JAG2: variants seen among roughly 807,000 people sequenced by gnomAD.
The protein encoded by JAG2 is jagged canonical Notch ligand 2, also known as protein jagged-2.
JAG2 carries 46 observed loss-of-function variants against 141.7 expected under a neutral mutation model. The ratio of observed to expected loss-of-function variants is 0.32; its 90% confidence interval spans 0.26 to 0.42. The LOEUF (loss-of-function observed/expected upper bound fraction) is 0.42, where lower values mean the gene tolerates loss of function less well. JAG2 is among the 10% of genes least tolerant of loss of function. The pLI is 1.00. For synonymous variants in JAG2, 862 were observed against 763.5 expected (o/e 1.13, Z -2.13); for missense variants, 1,500 against 1,817.5 (o/e 0.83, Z 3.18).
rs754749346 is a variant in JAG2, at chr14:105,142,896, C to T, written c.3516G>A (p.Ala1172=). ...DEALPGPAGH[A]AVREDEEDED... The stretch of plus-strand genomic sequence containing the variant: ...CGTCCTCCTCATCCTCCCTGACGGC[C>T]GCGTGGCCGGCCGGCCCGGGCAGCG... The change falls in exon 26 of 26, where the codon GCG becomes GCA. Residue 1172 remains alanine (A), a synonymous_variant. Transcript: ENST00000331782. The T allele has an allele frequency of 9.4e-6, 15 of 1,600,018 alleles. No homozygotes were observed. The highest frequency in any genetic ancestry group is 8.0e-5 in the African/African-American group (6 of 74,656).
chr14:105,161,313 T>A (rs906660439), intron 2 of JAG2, among the ~76,000 whole-genome samples: 1 of 151,760 alleles, frequency 6.6e-6, no homozygotes, highest in East Asian at 1.9e-4. Flanking sequence ...GAAGCAGCAA[T>A]AGTGAGGTCA....
chr14:105,152,297 GGAA>G lies in JAG2; in HGVS notation c.789-9_789-7del, dbSNP rs1340445420. ...CTTGCCAGCCGTAGCTGCACCTGGGGGAAGGAGGAGGGGCGCAAGACCCAGTGA... is the reference window on the plus strand; with the variant it reads ...CTTGCCAGCCGTAGCTGCACCTGGGGGGAGGAGGGGCGCAAGACCCAGTGA... On this transcript the variant is annotated splice_region_variant and splice_polypyrimidine_tract_variant and intron_variant, in intron 5 of 25. Transcript: ENST00000331782. 2 of 1,612,586 alleles carry G rather than the reference GGAA, an allele frequency of 1.2e-6. No homozygotes were observed. Among genetic ancestry groups the G allele is most frequent in the African/African-American group, 2.7e-5 (2 of 74,926 alleles).
chr14:105,143,748 G>A, intron 24 of JAG2, 110 bp from the exon 25 acceptor site: 1 of 1,349,496 alleles, frequency 7.4e-7, no homozygotes, highest in South Asian at 1.3e-5. Flanking sequence ...GCGCACGGGA[G>A]ACGAGAGCCC....
intron 2 of JAG2, among the ~76,000 whole-genome samples, chr14:105,165,789 G>A (rs1888890734): frequency 6.6e-6 from 1 of 152,206 alleles, no homozygotes; most frequent in Non-Finnish European, 1.5e-5. Context: ...CACGGGCCTG[G>A]GCAGGATGCC....
intron 2 of JAG2, among the ~76,000 whole-genome samples, chr14:105,161,557 CGA>C (rs1010622676): frequency 9.9e-5 from 15 of 152,136 alleles, no homozygotes; most frequent in African/African-American, 3.6e-4. Context: ...GCCCGCCCGC[CGA>C]GAGGGCCTCA....
In JAG2 at chr14:105,148,420, G is replaced by A. The variant is rs750188046; in HGVS notation, c.2040C>T (p.Pro680=). The stretch of plus-strand genomic sequence containing the variant: ...AGCGGCCGCGGCTGTGGCAGGGATC[G>A]GGAAGGCAGTCGTTGGGATCTGGGG... The part of the protein sequence containing the change: ...LCDTNPNDCL[P]DPCHSRGRCY... Residue 680 remains proline, a synonymous_variant, in exon 16 of 26, where the codon CCC becomes CCT. Transcript: ENST00000331782. The A allele has an allele frequency of 1.5e-5, 24 of 1,611,654 alleles. No homozygotes were observed. In the East Asian group the frequency reaches 2.0e-4, roughly 13 times the overall value.
chr14:105,146,276 GC>G, intron 22 of JAG2, 108 bp downstream of exon 22: 4 of 1,002,400 alleles, frequency 4.0e-6, no homozygotes, highest in Non-Finnish European at 6.2e-6. Flanking sequence ...AGGGCAGACG[GC>G]TCTCAGTCCA....
chr14:105,150,957 G>GGCCCACCCGCCGGC, intron 10 of JAG2, 34 bp downstream of exon 10: 2 of 1,597,488 alleles, frequency 1.3e-6, no homozygotes, highest in Non-Finnish European at 1.7e-6. Context: ...CATGTGCCTC[G>GGCCCACCCGCCGGC]GCCCACCCGC....
rs773019227 is a variant in JAG2, at chr14:105,142,947, C to T, written c.3465G>A (p.Thr1155=). The T allele has an allele frequency of 5.0e-6, 8 of 1,609,162 alleles. No homozygotes were observed. The highest frequency in any genetic ancestry group is 1.1e-5 in the South Asian group (1 of 90,940). The part of the protein sequence containing the change: ...KDVLYQCKNF[T]PPPRRADEAL... ...CCTCGTCCGCCCTGCGCGGCGGCGG[C>T]GTGAAGTTCTTGCACTGGTAGAGCA... The change falls in exon 26 of 26, where the codon ACG becomes ACA. Residue 1155 remains threonine (T), a synonymous_variant. Coordinates refer to ENST00000331782, the MANE Select transcript of JAG2 (RefSeq NM_002226.5).
At chr14:105,152,331 G>A in intron 5 of JAG2, 40 bp from the exon 6 acceptor site, 1 of 1,604,790 alleles carries the variant, frequency 6.2e-7, no homozygotes, top group Non-Finnish European at 8.5e-7. Flanking sequence ...AGTGAGCTGT[G>A]GTGCCTGAAA....
At chr14:105,143,252 GC>G in intron 25 of JAG2, 82 bp from the exon 26 acceptor site, 1 of 1,477,860 alleles carries the variant, frequency 6.8e-7, no homozygotes, top group Non-Finnish European at 9.2e-7. Flanking sequence ...GCCTGGGAGG[GC>G]CCTGCGGGCC....
rs1434754092 is a variant in JAG2, at chr14:105,145,718, C to A, written c.2952+13G>T. 3.8e-6 allele frequency: 6 copies of A among 1,587,038 alleles called. No individual in the cohort carries two copies. The highest frequency in any genetic ancestry group is 3.4e-6 in the Non-Finnish European group (4 of 1,167,482). ...GTGGCCTCTGCAAGCTCAGATGCCA[C>A]CAGGCCCCTCACCTGGGGCACGTGG... On this transcript the variant is annotated intron_variant, in intron 23 of 25. Transcript: ENST00000331782.
chr14:105,142,813 T>C lies in JAG2; in HGVS notation c.3599A>G (p.Lys1200Arg), dbSNP rs1888098251. Residue 1200 changes from lysine (K) to arginine (R), a missense_variant, in exon 26 of 26, where the codon AAA becomes AGA. By Grantham distance (26) the Lys-to-Arg change is conservative. Transcript: ENST00000331782. ...CGAGCGGCCAGGATCTTTGGTGAATTTGTGTGAGAGGAACTTCTCCGCCTC... is the reference window on the plus strand; with the variant it reads ...CGAGCGGCCAGGATCTTTGGTGAATCTGTGTGAGAGGAACTTCTCCGCCTC... ...SLEAEKFLSHKFTKDPGRSPG... is the reference protein window; with the variant it reads ...SLEAEKFLSHRFTKDPGRSPG... 6.2e-7 allele frequency: 1 copy of C among 1,610,886 alleles called. No individual in the cohort carries two copies.
intron 2 of JAG2, 39 bp from the exon 3 acceptor site, chr14:105,157,802 C>T (rs1050340689): frequency 2.0e-6 from 3 of 1,531,374 alleles, no homozygotes; most frequent in South Asian, 1.2e-5. Context: ...CCTGAGGCCA[C>T]ACCTGCCTGC....
Position 105,168,006 on chromosome 14 carries a change from T to A in JAG2, c.168A>T (p.Thr56=). The A allele has an allele frequency of 6.3e-7, 1 of 1,599,696 alleles. No homozygotes were observed. The highest frequency in any genetic ancestry group is 8.5e-7 in the Non-Finnish European group (1 of 1,177,100). The change falls in exon 2 of 26, where the codon ACA becomes ACT. Residue 56 remains threonine (T), a synonymous_variant. Coordinates refer to ENST00000331782, the MANE Select transcript of JAG2 (RefSeq NM_002226.5). Reference sequence around the variant, plus strand: ...CGTGGCCGCAGCCCCCCGCGCGCGTTGTCCGGCCGTCGCCGTCACAGCAGG... The same window carrying A: ...CGTGGCCGCAGCCCCCCGCGCGCGTAGTCCGGCCGTCGCCGTCACAGCAGG... ...SGACCDGDGR[T]TRAGGCGHDE...
In JAG2 at chr14:105,147,815, G is replaced by A. The variant is rs1888274887; in HGVS notation, c.2322C>T (p.Ser774=). Reference sequence around the variant, plus strand: ...CCTCCCAGCCGTCCCGGCAGATGCAGGAGAAGGAGGCCCCGCTGCCCACGC... The same window carrying A: ...CCTCCCAGCCGTCCCGGCAGATGCAAGAGAAGGAGGCCCCGCTGCCCACGC... The part of the protein sequence containing the change: ...GTCVGSGASF[S]CICRDGWEGR... The change falls in exon 18 of 26, where the codon TCC becomes TCT. Residue 774 remains serine, a synonymous_variant. Coordinates refer to ENST00000331782, the MANE Select transcript of JAG2 (RefSeq NM_002226.5). 6.5e-7 allele frequency: 1 copy of A among 1,549,960 alleles called. No homozygotes were observed. The highest frequency in any genetic ancestry group is 8.7e-7 in the Non-Finnish European group (1 of 1,147,626).
At chr14:105,151,514 C>T (rs973902678) in intron 8 of JAG2, 112 bp downstream of exon 8, 455 of 1,335,544 alleles carry the variant, frequency 3.4e-4, no homozygotes, top group Middle Eastern at 2.0e-3. Context: ...CCAAGCCAGC[C>T]GCAGCCACAC....
chr14:105,148,426 G>A lies in JAG2; in HGVS notation c.2034C>T (p.Cys678=). The A allele has an allele frequency of 6.2e-7, 1 of 1,611,612 alleles. No homozygotes were observed. Among genetic ancestry groups the A allele is most frequent in the Non-Finnish European group, 8.5e-7 (1 of 1,179,302 alleles). The part of the protein sequence containing the change: ...GELCDTNPND[C]LPDPCHSRGR... ...CGCGGCTGTGGCAGGGATCGGGAAGGCAGTCGTTGGGATCTGGGGGCGAGG... is the reference window on the plus strand; with the variant it reads ...CGCGGCTGTGGCAGGGATCGGGAAGACAGTCGTTGGGATCTGGGGGCGAGG... Residue 678 remains cysteine, a synonymous_variant, in exon 16 of 26, where the codon TGC becomes TGT. Coordinates refer to ENST00000331782, the MANE Select transcript of JAG2 (RefSeq NM_002226.5).
chr14:105,156,236 G>A (rs1347207648), intron 3 of JAG2, among the ~76,000 whole-genome samples: 6 of 152,142 alleles, frequency 3.9e-5, no homozygotes, highest in Non-Finnish European at 8.8e-5. Context: ...CGGGGGGCCC[G>A]GCTAGGGGCT....
Sources: gnomAD v4.1 joint callset for allele counts (sites outside exome capture counted in the v4.1 genomes callset) on GRCh38, gnomAD v4.1.1 for gene constraint, MANE v1.5 for transcripts, NCBI Gene and HGNC (gene_info 2026-07-23, HGNC 2026-07-21) for gene names.